The following RNF125 variants were observed in gnomAD, a reference collection of about 807,000 sequenced individuals.
The protein encoded by RNF125 is ring finger protein 125, also known as E3 ubiquitin-protein ligase RNF125.
A neutral mutation model predicts 26.0 loss-of-function variants in RNF125; 21 were observed. The ratio of observed to expected loss-of-function variants is 0.81; its 90% confidence interval spans 0.57 to 1.16. RNF125 has a LOEUF of 1.16. RNF125 is among the 50% of genes most tolerant of loss of function. The pLI, the probability that RNF125 is intolerant of heterozygous loss-of-function variation, is 0.00. For missense variants in RNF125, 270 were observed against 299.4 expected (o/e 0.90, Z 0.72); for synonymous variants, 95 against 109.2 (o/e 0.87, Z 0.81).
chr18:32,075,445 G>C (rs982600818), downstream of RNF125, among the ~76,000 whole-genome samples: 5 of 152,108 alleles, frequency 3.3e-5, no homozygotes, highest in African/African-American at 1.2e-4. Context: ...TGTAATCCCA[G>C]CACTTTGGGA....
chr18:32,067,800 A>G (rs2039498198), intron 5 of RNF125, among the ~76,000 whole-genome samples: 1 of 152,102 alleles, frequency 6.6e-6, no homozygotes, highest in African/African-American at 2.4e-5. Context: ...TAGGGTTCTT[A>G]ATGGTTTTTG....
chr18:32,037,415 A>T, intron 2 of RNF125, 146 bp downstream of exon 2: 1 of 473,402 alleles, frequency 2.1e-6, no homozygotes, highest in Non-Finnish European at 3.3e-6. Flanking sequence ...TCTTTCACCC[A>T]GGTTGGAGTG....
At chr18:32,026,314 T>C (rs1331602356) in intron 1 of RNF125, among the ~76,000 whole-genome samples, 1 of 139,004 alleles carries the variant, frequency 7.2e-6, no homozygotes, top group Non-Finnish European at 1.5e-5. Context: ...AGTGGCCCGA[T>C]CTGGGCTCAC....
intron 2 of RNF125, among the ~76,000 whole-genome samples, chr18:32,041,595 C>A (rs1182133930): frequency 7.2e-6 from 1 of 139,836 alleles, no homozygotes; most frequent in Non-Finnish European, 1.6e-5. Flanking sequence ...CACCACACAT[C>A]TATCTACTTT....
downstream of RNF125, among the ~76,000 whole-genome samples, chr18:32,077,232 C>T (rs2039576109): frequency 6.6e-6 from 1 of 151,842 alleles, no homozygotes; most frequent in South Asian, 2.1e-4. Flanking sequence ...AGAAGGATTG[C>T]TTGGCCCAGG....
At chr18:32,023,761 A>G (rs1231378472) in intron 1 of RNF125, among the ~76,000 whole-genome samples, 1 of 152,222 alleles carries the variant, frequency 6.6e-6, no homozygotes, top group East Asian at 1.9e-4. Context: ...TATTTTGCTC[A>G]CAAAAGTATA....
intron 4 of RNF125, among the ~76,000 whole-genome samples, chr18:32,059,812 T>C (rs1027993647): frequency 6.6e-6 from 1 of 152,158 alleles, no homozygotes; most frequent in African/African-American, 2.4e-5. Flanking sequence ...TTTAATTTGA[T>C]ACTATCTTGA....
rs1249545449 is a variant in RNF125, at chr18:32,068,750, CTTTG to C, written c.*369_*372del. On this transcript the variant is annotated 3_prime_UTR_variant, in exon 6 of 6. Coordinates refer to ENST00000217740, the MANE Select transcript of RNF125 (RefSeq NM_017831.4). ...ATCATGGTTAGGCACGATAACTAAT[CTTTG>C]TTCTGTGTAAAAAAATATGGAGAGT... 6.1e-6 allele frequency: 1 copy of C among 164,526 alleles called. No homozygotes were observed. Among genetic ancestry groups the C allele is most frequent in the Non-Finnish European group, 1.3e-5 (1 of 76,246 alleles). 10.2% of individuals were successfully genotyped at this position (164,526 alleles called of 1,614,324 possible).
At chr18:32,085,751 T>TCTTC in the RNF125 span, among the ~76,000 whole-genome samples, 1 of 149,064 alleles carries the variant, frequency 6.7e-6, no homozygotes, top group Non-Finnish European at 1.5e-5. Context: ...TTGGTTTCGT[T>TCTTC]CTTCCTTCCT....
chr18:32,037,645 G>A (rs542302187), intron 2 of RNF125, among the ~76,000 whole-genome samples: 1 of 152,084 alleles, frequency 6.6e-6, no homozygotes, highest in Non-Finnish European at 1.5e-5. Flanking sequence ...GTGCTGGTGA[G>A]ATGTGAGGCC....
At chr18:32,048,443 AAC>A (rs1464631091) in intron 4 of RNF125, among the ~76,000 whole-genome samples, 1 of 133,770 alleles carries the variant, frequency 7.5e-6, no homozygotes, top group Non-Finnish European at 1.6e-5. Context: ...CAAACAAAAA[AAC>A]CCAAAAAAAC....
chr18:32,044,563 TAG>T (rs1019616299), intron 3 of RNF125, among the ~76,000 whole-genome samples: 3 of 151,612 alleles, frequency 2.0e-5, no homozygotes, highest in Non-Finnish European at 4.4e-5. Flanking sequence ...TTTTTTGAGA[TAG>T]AGTTTCACGC....
chr18:32,075,762 G>A (rs2039566139), downstream of RNF125: 5 of 470,634 alleles, frequency 1.1e-5, no homozygotes, highest in Non-Finnish European at 1.9e-5. Flanking sequence ...GCATCAATCT[G>A]ATTGTGCCAT....
intron 4 of RNF125, among the ~76,000 whole-genome samples, chr18:32,061,932 C>A (rs115981723): frequency 7.9e-5 from 12 of 152,128 alleles, no homozygotes; most frequent in Non-Finnish European, 1.8e-4. Context: ...GAAATGAAAT[C>A]GGAAACTATT....
chr18:32,090,354 G>A, the RNF125 span, among the ~76,000 whole-genome samples: 1 of 152,232 alleles, frequency 6.6e-6, no homozygotes, highest in Non-Finnish European at 1.5e-5. Context: ...ACTGCTATTA[G>A]CTGCCCCTCT....
At chr18:32,056,581 G>A (rs140342227) in intron 4 of RNF125, among the ~76,000 whole-genome samples, 289 of 140,106 alleles carry the variant, frequency 2.1e-3, no homozygotes, top group African/African-American at 4.9e-3. Flanking sequence ...AGATCACGCC[G>A]TTGCACTCTA....
At chr18:32,066,909 G>A (rs2039489951) in intron 5 of RNF125, among the ~76,000 whole-genome samples, 1 of 152,144 alleles carries the variant, frequency 6.6e-6, no homozygotes, top group Non-Finnish European at 1.5e-5. Context: ...TGGCACACAG[G>A]CCTCAACAGA....
At chr18:32,043,142 C>CT (rs1271256347) in intron 3 of RNF125, among the ~76,000 whole-genome samples, 1 of 109,842 alleles carries the variant, frequency 9.1e-6, no homozygotes, top group Non-Finnish European at 2.1e-5. Flanking sequence ...GAGCGAGACT[C>CT]TGTCTCAAAA....
At chr18:32,019,237 C>T (rs2038962017) in intron 1 of RNF125, among the ~76,000 whole-genome samples, 1 of 152,114 alleles carries the variant, frequency 6.6e-6, no homozygotes, top group Non-Finnish European at 1.5e-5. Context: ...AATAAACAAG[C>T]GGGTCCTGTA....
Sources: gnomAD v4.1 joint callset for allele counts (sites outside exome capture counted in the v4.1 genomes callset) on GRCh38, gnomAD v4.1.1 for gene constraint, MANE v1.5 for transcripts, NCBI Gene and HGNC (gene_info 2026-07-23, HGNC 2026-07-21) for gene names.